The following KLF12 variants were observed in gnomAD, a reference collection of about 807,000 sequenced individuals.
The protein encoded by KLF12 is KLF transcription factor 12, also known as Krueppel-like factor 12.
Under a neutral mutation model 37.8 loss-of-function variants are expected in KLF12, and 9 were observed. The ratio of observed to expected loss-of-function variants is 0.24; its 90% CI spans 0.14 to 0.42. KLF12 has a LOEUF of 0.42. Ranked by LOEUF, KLF12 falls within the 10% of genes least tolerant of loss-of-function variation. KLF12 has a pLI of 1.00. For missense variants in KLF12, 411 were observed against 516.0 expected (o/e 0.80, Z 1.97); for synonymous variants, 208 against 202.1 (o/e 1.03, Z -0.25).
At chr13:73,757,375 A>G (rs1490238231) in intron 6 of KLF12, among the ~76,000 whole-genome samples, 1 of 152,192 alleles carries the variant, frequency 6.6e-6, no homozygotes, top group Admixed American at 6.5e-5. Context: ...TAATTTAAAG[A>G]AATGTATTAT....
At chr13:73,826,167 G>T (rs1555310926) in intron 4 of KLF12, among the ~76,000 whole-genome samples, 1 of 151,866 alleles carries the variant, frequency 6.6e-6, no homozygotes, top group Non-Finnish European at 1.5e-5. Flanking sequence ...TAGAGACGGG[G>T]TTTCACCGTG....
intron 1 of KLF12, among the ~76,000 whole-genome samples, chr13:74,115,640 G>T (rs1370125453): frequency 6.6e-6 from 1 of 151,770 alleles, no homozygotes; most frequent in Non-Finnish European, 1.5e-5. Flanking sequence ...GGGGGACAGA[G>T]GTTGCAGTGA....
intron 3 of KLF12, among the ~76,000 whole-genome samples, chr13:73,851,553 T>C (rs551432874): frequency 1.3e-5 from 2 of 152,328 alleles, no homozygotes; most frequent in South Asian, 4.1e-4. Context: ...ATAACTTAAA[T>C]CAATCCACAC....
rs1290199191 is a variant in KLF12 at position 73,688,351 on chromosome 13, T to C, written c.*7139A>G. ...CAACAGAGCTGTTAAGTGAGAACTC[T>C]GAAAAAGAATTATCCATTATCTCTC... On this transcript the variant is annotated 3_prime_UTR_variant, in exon 8 of 8. Transcript: ENST00000377669. The C allele has an allele frequency of 6.6e-6, 1 of 152,300 alleles. No homozygotes were observed. Among genetic ancestry groups the C allele is most frequent in the Non-Finnish European group, 1.5e-5 (1 of 68,036 alleles). 9.4% of individuals were successfully genotyped at this position (152,300 alleles called of 1,614,324 possible). A position where few individuals can be genotyped will look rare whatever the true frequency, so the allele number is the denominator to read the frequency against.
rs1035635776 is a variant in KLF12 at position 74,036,303 on chromosome 13, C to T, written c.-31-41250G>A. On this transcript the variant is annotated intron_variant, in intron 1 of 7. Coordinates refer to ENST00000377669, the MANE Select transcript of KLF12 (RefSeq NM_007249.5). ...AAGAGACTCTTAGTTCTTCAAAGAACGACCTTAACTTCCCACGGTACCTAA... is the reference window on the plus strand; with the variant it reads ...AAGAGACTCTTAGTTCTTCAAAGAATGACCTTAACTTCCCACGGTACCTAA... Among the ~76,000 whole-genome samples, 8 of 152,132 alleles carry T rather than the reference C, an allele frequency of 5.3e-5. No individual in the cohort carries two copies. In the East Asian group the frequency reaches 1.2e-3, roughly 22 times the overall value.
intron 6 of KLF12, among the ~76,000 whole-genome samples, chr13:73,731,342 A>G (rs1045701307): frequency 6.6e-6 from 1 of 152,174 alleles, no homozygotes; most frequent in East Asian, 1.9e-4. Flanking sequence ...ACAACCGAGT[A>G]GCACTTTCAT....
At chr13:74,220,167 C>A in the KLF12 span, among the ~76,000 whole-genome samples, 1 of 152,166 alleles carries the variant, frequency 6.6e-6, no homozygotes, top group Non-Finnish European at 1.5e-5. Context: ...GCAATGGTTT[C>A]TTTAATTATG....
intron 1 of KLF12, among the ~76,000 whole-genome samples, chr13:74,031,688 TATC>T (rs1413916867): frequency 2.0e-5 from 3 of 152,096 alleles, no homozygotes; most frequent in Non-Finnish European, 4.4e-5. Context: ...AAATAGTTAA[TATC>T]ATGATAGATA....
At chr13:73,712,770 C>A (rs1875502094) in intron 7 of KLF12, among the ~76,000 whole-genome samples, 1 of 152,178 alleles carries the variant, frequency 6.6e-6, no homozygotes, top group Non-Finnish European at 1.5e-5. Flanking sequence ...GAGGCAAGAC[C>A]CTCCACTAGT....
At chr13:73,895,539 T>C (rs1331863912) in intron 3 of KLF12, among the ~76,000 whole-genome samples, 5 of 152,192 alleles carry the variant, frequency 3.3e-5, no homozygotes, top group African/African-American at 1.2e-4. Flanking sequence ...AGTCCTCGTA[T>C]CTTTATAGTG....
At chr13:74,280,830 T>TTC in the KLF12 span, among the ~76,000 whole-genome samples, 11 of 144,634 alleles carry the variant, frequency 7.6e-5, no homozygotes, top group African/African-American at 2.7e-4. Flanking sequence ...TTTTTCTTTT[T>TTC]TTTTTTTTTT....
chr13:74,087,058 G>A (rs1875351174), intron 1 of KLF12, among the ~76,000 whole-genome samples: 1 of 152,132 alleles, frequency 6.6e-6, no homozygotes, highest in Non-Finnish European at 1.5e-5. Context: ...GTTCACACCT[G>A]TGTTGTTCAA....
chr13:74,194,152 A>C, the KLF12 span, among the ~76,000 whole-genome samples: 1 of 152,202 alleles, frequency 6.6e-6, no homozygotes, highest in Non-Finnish European at 1.5e-5. Flanking sequence ...TGCATGATAT[A>C]TAACACTTCT....
rs73531607 is a variant in KLF12, at chr13:73,770,062, A to T, written c.807-5062T>A. Among the ~76,000 whole-genome samples, 82 of 152,342 alleles carry T rather than the reference A, an allele frequency of 5.4e-4. 1 individual carries two copies. The East Asian group carries it at 0.015, about 28-fold the overall frequency. On this transcript the variant is annotated intron_variant, in intron 5 of 7. Coordinates refer to ENST00000377669, the MANE Select transcript of KLF12 (RefSeq NM_007249.5). ...AAATGATTATCTATACATTGTGCAA[A>T]GCATTAAACATAATACATACTTTAA...
At chr13:74,059,690 AG>A (rs1566523081) in intron 1 of KLF12, among the ~76,000 whole-genome samples, 1 of 152,110 alleles carries the variant, frequency 6.6e-6, no homozygotes, top group Non-Finnish European at 1.5e-5. Flanking sequence ...TTATTATCAG[AG>A]GCATAATTTG....
chr13:74,006,996 T>C (rs1892425392), intron 1 of KLF12, among the ~76,000 whole-genome samples: 1 of 152,160 alleles, frequency 6.6e-6, no homozygotes, highest in African/African-American at 2.4e-5. Context: ...CAATTTACAT[T>C]TACTTTCACA....
chr13:73,745,783 C>T (rs1325425632), intron 6 of KLF12, among the ~76,000 whole-genome samples: 1 of 152,152 alleles, frequency 6.6e-6, no homozygotes, highest in African/African-American at 2.4e-5. Flanking sequence ...TCTAATTTCA[C>T]TTAATGATAT....
At chr13:74,273,075 A>G in the KLF12 span, among the ~76,000 whole-genome samples, 1 of 152,234 alleles carries the variant, frequency 6.6e-6, no homozygotes, top group Non-Finnish European at 1.5e-5. Flanking sequence ...GTGCTCTACT[A>G]GTATCCTTTC....
chr13:73,998,716 C>T (rs555546299), intron 1 of KLF12, among the ~76,000 whole-genome samples: 2 of 152,318 alleles, frequency 1.3e-5, no homozygotes, highest in South Asian at 4.1e-4. Context: ...CCTTGCTCTG[C>T]GCATCAAGGT....
Sources: allele counts gnomAD v4.1 joint callset (sites outside exome capture counted in the v4.1 genomes callset), GRCh38; gene constraint gnomAD v4.1.1; transcripts MANE v1.5; gene names NCBI Gene and HGNC (gene_info 2026-07-23, HGNC 2026-07-21).